RBFOX1: variants seen among roughly 807,000 people sequenced by gnomAD.
RBFOX1 encodes RNA binding fox-1 homolog 1, also known as RNA binding protein fox-1 homolog 1.
In RBFOX1, 8 loss-of-function variants were observed where a neutral mutation model predicts 57.7. The ratio of observed to expected loss-of-function variants is 0.14; its 90% CI spans 0.08 to 0.25. RBFOX1 has a LOEUF of 0.25. Ranked by LOEUF, RBFOX1 falls within the 10% of genes least tolerant of loss-of-function variation. The pLI, the probability that RBFOX1 is intolerant of heterozygous loss-of-function variation, is 1.00. For missense variants in RBFOX1, 611 were observed against 548.5 expected (o/e 1.11, Z -1.14); for synonymous variants, 326 against 222.4 (o/e 1.47, Z -4.15).
chr16:6,627,389 GAGAA>G (rs1450485999), intron 2 of RBFOX1, among the ~76,000 whole-genome samples: 4 of 152,154 alleles, frequency 2.6e-5, no homozygotes, highest in African/African-American at 7.2e-5. Context: ...AAGTGAGACA[GAGAA>G]AGAGAGATGG....
chr16:5,403,592 A>G (rs571562673), intron 1 of RBFOX1, among the ~76,000 whole-genome samples: 6 of 152,100 alleles, frequency 3.9e-5, no homozygotes, highest in South Asian at 4.1e-4. Context: ...TTACAGGTGC[A>G]TGACACCATG....
intron 2 of RBFOX1, among the ~76,000 whole-genome samples, chr16:5,577,127 C>A (rs2046483067): frequency 1.3e-5 from 2 of 152,232 alleles, no homozygotes; most frequent in Non-Finnish European, 2.9e-5. Flanking sequence ...AATGGACTAT[C>A]CCTCGGAGCC....
intron 4 of RBFOX1, among the ~76,000 whole-genome samples, chr16:7,215,068 C>G (rs530013269): frequency 4.7e-4 from 72 of 152,238 alleles, no homozygotes; most frequent in Non-Finnish European, 8.5e-4. Flanking sequence ...TCTCCACCCC[C>G]CGCGGACAGG....
chr16:5,729,396 CTTT>C (rs71142649), intron 3 of RBFOX1, among the ~76,000 whole-genome samples: 28,734 of 111,250 alleles, frequency 0.26, 3,185 homozygotes, highest in African/African-American at 0.42. Context: ...TTTTTCTTTT[CTTT>C]TTTTTTTTTT....
chr16:7,076,840 C>T (rs1269096849), intron 4 of RBFOX1, among the ~76,000 whole-genome samples: 2 of 152,208 alleles, frequency 1.3e-5, no homozygotes, highest in Non-Finnish European at 2.9e-5. Context: ...GATAATGACA[C>T]AGTTTCTTGT....
intron 4 of RBFOX1, among the ~76,000 whole-genome samples, chr16:5,924,822 CT>C (rs1477337456): frequency 6.6e-6 from 1 of 152,048 alleles, no homozygotes; most frequent in Non-Finnish European, 1.5e-5. Flanking sequence ...TACTGTGTTC[CT>C]TCCCAAGGAT....
chr16:6,119,079 G>A (rs950292027), intron 1 of RBFOX1, among the ~76,000 whole-genome samples: 10 of 151,230 alleles, frequency 6.6e-5, no homozygotes, highest in African/African-American at 2.2e-4. Context: ...GGGATCTTGG[G>A]TGGGTCATAT....
rs535653075 is a variant in RBFOX1, at chr16:7,483,485, C to A, written c.28-34662C>A. Among the ~76,000 whole-genome samples, 4 of 152,172 alleles carry A rather than the reference C, an allele frequency of 2.6e-5. No individual in the cohort carries two copies. The East Asian group carries it at 7.7e-4, about 29-fold the overall frequency. On this transcript the variant is annotated intron_variant, in intron 4 of 15. Coordinates refer to ENST00000550418, the MANE Select transcript of RBFOX1 (RefSeq NM_018723.4). Reference sequence around the variant, plus strand: ...TTTGTGGTGTCTTGGACCTAAAAAGCAGTTAGTGTGTGGTGGACATTGTAT... The same window carrying A: ...TTTGTGGTGTCTTGGACCTAAAAAGAAGTTAGTGTGTGGTGGACATTGTAT...
chr16:6,393,600 C>T (rs1022682680), intron 2 of RBFOX1, among the ~76,000 whole-genome samples: 3 of 152,156 alleles, frequency 2.0e-5, no homozygotes, highest in African/African-American at 7.2e-5. Context: ...TGGGGTATCT[C>T]CCCTTTCTGA....
At chr16:5,756,197 C>A (rs1392109293) in intron 3 of RBFOX1, among the ~76,000 whole-genome samples, 1 of 141,058 alleles carries the variant, frequency 7.1e-6, no homozygotes, top group Non-Finnish European at 1.5e-5. Flanking sequence ...TTTCTGTGAA[C>A]CCCCTTCTTA....
rs183616801 is a variant in RBFOX1 at position 7,305,582 on chromosome 16, C to G, written c.28-212565C>G. On this transcript the variant is annotated intron_variant, in intron 4 of 15. Coordinates refer to ENST00000550418, the MANE Select transcript of RBFOX1 (RefSeq NM_018723.4). ...AACATGAGTGTGTGAACAGAACTTC[C>G]TATGCAAGAGTTGAGAGTGGCCCTC... 9.8e-4 allele frequency among the ~76,000 whole-genome samples: 149 copies of G among 152,270 alleles called. 2 individuals are homozygous for G. In the South Asian group the frequency reaches 0.029, roughly 30 times the overall value.
intron 2 of RBFOX1, among the ~76,000 whole-genome samples, chr16:5,567,502 G>A (rs961764072): frequency 7.9e-5 from 12 of 152,048 alleles, no homozygotes; most frequent in African/African-American, 2.7e-4. Context: ...ACCTGCCCCT[G>A]GTCATAGGGT....
At chr16:5,270,213 A>C in intron 1 of RBFOX1, 1 of 479,674 alleles carries the variant, frequency 2.1e-6, no homozygotes. Flanking sequence ...GAAAGGTGGC[A>C]AAAAGGGAGT....
intron 3 of RBFOX1, among the ~76,000 whole-genome samples, chr16:5,833,338 A>G (rs2056347394): frequency 6.6e-6 from 1 of 151,932 alleles, no homozygotes; most frequent in East Asian, 1.9e-4. Context: ...CTAAAAATAT[A>G]AAAAGAATTA....
chr16:6,260,694 A>G (rs1450539065), intron 1 of RBFOX1, among the ~76,000 whole-genome samples: 1 of 152,178 alleles, frequency 6.6e-6, no homozygotes, highest in African/African-American at 2.4e-5. Flanking sequence ...CCTGGCCAAC[A>G]TGGTGAAACC....
intron 4 of RBFOX1, among the ~76,000 whole-genome samples, chr16:7,175,480 G>T (rs924777837): frequency 2.0e-5 from 3 of 152,162 alleles, no homozygotes; most frequent in African/African-American, 4.8e-5. Context: ...GTGTGACAGG[G>T]AGCTGAGACT....
At chr16:5,569,501 C>G (rs115120561) in intron 2 of RBFOX1, among the ~76,000 whole-genome samples, 1,303 of 113,832 alleles carry the variant, frequency 0.011, 25 homozygotes, top group African/African-American at 0.038. Flanking sequence ...TATGTTCTGG[C>G]CACTGTGCTA....
chr16:6,744,465 A>C (rs1000326485), intron 3 of RBFOX1, among the ~76,000 whole-genome samples: 91 of 152,092 alleles, frequency 6.0e-4, no homozygotes, highest in African/African-American at 2.1e-3. Context: ...ATTTTTTTTA[A>C]TCAATAAATT....
At chr16:7,462,698 C>T (rs145190636) in intron 4 of RBFOX1, among the ~76,000 whole-genome samples, 1 of 152,298 alleles carries the variant, frequency 6.6e-6, no homozygotes, top group African/African-American at 2.4e-5. Context: ...CTGGTTCAGT[C>T]CCTGGCAGTG....
Sources: gnomAD v4.1 joint callset for allele counts (sites outside exome capture counted in the v4.1 genomes callset) on GRCh38, gnomAD v4.1.1 for gene constraint, MANE v1.5 for transcripts, NCBI Gene and HGNC (gene_info 2026-07-23, HGNC 2026-07-21) for gene names.